Variants in NEGR1 observed in about 807,000 individuals in gnomAD.
NEGR1 encodes IgLON family member 4.
A neutral mutation model predicts 40.9 loss-of-function variants in NEGR1; 10 were observed. The ratio of observed to expected loss-of-function variants is 0.24; its 90% confidence interval spans 0.15 to 0.42. The LOEUF (loss-of-function observed/expected upper bound fraction) is 0.42. Ranked by LOEUF, NEGR1 falls within the 10% of genes least tolerant of loss-of-function variation. NEGR1 has a pLI of 1.00. For missense variants in NEGR1, 352 were observed against 438.9 expected (o/e 0.80, Z 1.77); for synonymous variants, 185 against 166.8 (o/e 1.11, Z -0.84).
intron 1 of NEGR1, among the ~76,000 whole-genome samples, chr1:72,103,499 T>C (rs1390981744): frequency 6.6e-6 from 1 of 152,136 alleles, no homozygotes; most frequent in Admixed American, 6.6e-5. Context: ...TGCAGTATGC[T>C]TCTTGACTTC....
At chr1:72,231,191 C>T (rs956861198) in intron 1 of NEGR1, among the ~76,000 whole-genome samples, 1 of 152,202 alleles carries the variant, frequency 6.6e-6, no homozygotes, top group African/African-American at 2.4e-5. Context: ...CAGACTGACT[C>T]CTGAAGATTG....
At chr1:71,804,359 T>C (rs925915935) in intron 2 of NEGR1, among the ~76,000 whole-genome samples, 1 of 152,154 alleles carries the variant, frequency 6.6e-6, no homozygotes, top group African/African-American at 2.4e-5. Flanking sequence ...AGGGATCTGC[T>C]GGCCATGGTC....
intron 1 of NEGR1, among the ~76,000 whole-genome samples, chr1:72,043,889 A>G (rs1646977871): frequency 6.6e-6 from 1 of 151,908 alleles, no homozygotes; most frequent in Admixed American, 6.6e-5. Flanking sequence ...CAGGACTGCT[A>G]TTTAACAATA....
intron 3 of NEGR1, among the ~76,000 whole-genome samples, chr1:71,771,283 C>T (rs1656311022): frequency 6.6e-6 from 1 of 152,076 alleles, no homozygotes; most frequent in African/African-American, 2.4e-5. Context: ...GAGCATCACA[C>T]ACTGGGGCCT....
At chr1:72,041,246 C>T (rs1473319826) in intron 1 of NEGR1, among the ~76,000 whole-genome samples, 1 of 151,672 alleles carries the variant, frequency 6.6e-6, no homozygotes, top group Admixed American at 6.6e-5. Context: ...CCTTTGTTTC[C>T]CTCTTCCATT....
At chr1:71,619,330 A>G (rs929739562) in intron 4 of NEGR1, among the ~76,000 whole-genome samples, 8 of 151,972 alleles carry the variant, frequency 5.3e-5, no homozygotes, top group African/African-American at 1.7e-4. Flanking sequence ...CACTCCCTCC[A>G]TTGCTCTGTG....
Position 71,752,761 on chromosome 1 carries a change from G to C in NEGR1, c.535+23411C>G, listed in dbSNP as rs140633276. ...ATAGATGCCAGAGTTCACTTAGGCA[G>C]CATTCCTGATAAGAGATTATTCAGT... On this transcript the variant is annotated intron_variant, in intron 3 of 6. Transcript: ENST00000357731. 8.9e-3 allele frequency among the ~76,000 whole-genome samples: 1,355 copies of C among 152,250 alleles called. 23 individuals carry two copies. The highest frequency in any genetic ancestry group is 0.031 in the African/African-American group (1,300 of 41,548).
chr1:71,928,863 T>C (rs1645827368), intron 2 of NEGR1, among the ~76,000 whole-genome samples: 1 of 152,070 alleles, frequency 6.6e-6, no homozygotes, highest in Admixed American at 6.6e-5. Context: ...TAGTCAGGTA[T>C]TGATTAGTCT....
intron 1 of NEGR1, among the ~76,000 whole-genome samples, chr1:72,200,791 T>A (rs1194580441): frequency 3.9e-5 from 6 of 152,046 alleles, no homozygotes; most frequent in Non-Finnish European, 4.4e-5. Context: ...TAAGATTGAG[T>A]GCTACTTTGA....
intron 1 of NEGR1, among the ~76,000 whole-genome samples, chr1:72,021,912 G>C (rs989302947): frequency 6.6e-6 from 1 of 152,000 alleles, no homozygotes; most frequent in African/African-American, 2.4e-5. Flanking sequence ...GAGGCGGGCG[G>C]ATCATGAGGT....
chr1:71,485,833 C>T (rs1646884409), intron 6 of NEGR1, among the ~76,000 whole-genome samples: 1 of 151,608 alleles, frequency 6.6e-6, no homozygotes, highest in South Asian at 2.1e-4. Flanking sequence ...TTTATTCATT[C>T]ACCTACTGAA....
chr1:72,093,875 G>T (rs1248970437), intron 1 of NEGR1, among the ~76,000 whole-genome samples: 1 of 152,126 alleles, frequency 6.6e-6, no homozygotes, highest in Non-Finnish European at 1.5e-5. Flanking sequence ...GCACTTCTGG[G>T]AAGATGAACG....
At chr1:71,577,322 A>G (rs1648996630) in intron 6 of NEGR1, among the ~76,000 whole-genome samples, 1 of 152,170 alleles carries the variant, frequency 6.6e-6, no homozygotes, top group Non-Finnish European at 1.5e-5. Context: ...AAGATTTCAG[A>G]AGTTATTTTA....
intron 1 of NEGR1, among the ~76,000 whole-genome samples, chr1:71,947,091 C>T (rs7517960): frequency 0.21 from 11,423 of 55,212 alleles, 696 homozygotes; most frequent in African/African-American, 0.4. Flanking sequence ...CTGTCTCATA[C>T]ACACACACAC....
intron 1 of NEGR1, among the ~76,000 whole-genome samples, chr1:72,179,608 T>A (rs1275790700): frequency 1.3e-5 from 2 of 152,072 alleles, no homozygotes; most frequent in African/African-American, 4.8e-5. Flanking sequence ...CAAAGGAAAG[T>A]TTAATAAATA....
intron 2 of NEGR1, among the ~76,000 whole-genome samples, chr1:71,799,155 A>G (rs1657454873): frequency 6.6e-6 from 1 of 151,892 alleles, no homozygotes; most frequent in Admixed American, 6.6e-5. Context: ...TCAACCCGTC[A>G]TCTACATTAG....
At chr1:71,688,751 A>C (rs376825474) in intron 4 of NEGR1, among the ~76,000 whole-genome samples, 13 of 152,136 alleles carry the variant, frequency 8.5e-5, no homozygotes, top group East Asian at 3.9e-4. Flanking sequence ...CACAGGCTAC[A>C]GAGGAAGGTT....
intron 4 of NEGR1, among the ~76,000 whole-genome samples, chr1:71,649,104 G>T (rs11576565): frequency 1.3e-5 from 2 of 151,796 alleles, no homozygotes. Context: ...GTGTAAAAAT[G>T]TCCAGTTTTA....
At chr1:72,149,572 T>G (rs967034575) in intron 1 of NEGR1, among the ~76,000 whole-genome samples, 1 of 152,012 alleles carries the variant, frequency 6.6e-6, no homozygotes, top group Admixed American at 6.6e-5. Context: ...ATTCAATCTA[T>G]AAAGTTAGTA....
Sources: gnomAD v4.1 joint callset for allele counts (sites outside exome capture counted in the v4.1 genomes callset) on GRCh38, gnomAD v4.1.1 for gene constraint, MANE v1.5 for transcripts, NCBI Gene and HGNC (gene_info 2026-07-23, HGNC 2026-07-21) for gene names.